The following CEP63 variants were observed in gnomAD, a reference collection of about 807,000 sequenced individuals.
CEP63 encodes centrosomal protein 63.
Under a neutral mutation model 89.1 loss-of-function variants are expected in CEP63, and 84 were observed. That is an observed-to-expected ratio of 0.94 (90% CI 0.79 to 1.13). The LOEUF (loss-of-function observed/expected upper bound fraction) is 1.13, where lower values mean the gene tolerates loss of function less well. Among genes scored for constraint, CEP63 ranks in the 50% most tolerant of loss-of-function variants. CEP63 has a pLI of 0.00. For synonymous variants in CEP63, 267 were observed against 272.5 expected, an observed-to-expected ratio of 0.98 and a Z score of 0.20; for missense variants, 838 against 813.3, an observed-to-expected ratio of 1.03 and a Z score of -0.37.
At chr3:134,488,659 T>A (rs1370613318) in intron 1 of CEP63, among the ~76,000 whole-genome samples, 1 of 152,130 alleles carries the variant, frequency 6.6e-6, no homozygotes, top group East Asian at 1.9e-4. Flanking sequence ...ACATTTCATA[T>A]GAATTTTAAC....
At chr3:134,677,184 G>A in the CEP63 span, among the ~76,000 whole-genome samples, 1 of 145,668 alleles carries the variant, frequency 6.9e-6, no homozygotes, top group Admixed American at 6.8e-5. Context: ...GCTTGAACCC[G>A]GCAGGCGGAG....
chr3:134,612,751 CTGTGTGTGTGTG>C, the CEP63 span, among the ~76,000 whole-genome samples: 25 of 125,422 alleles, frequency 2.0e-4, no homozygotes, highest in South Asian at 1.8e-3. Flanking sequence ...CACGCCGATG[CTGTGTGTGTGTG>C]TGTGTGTGTG....
At chr3:134,720,469 A>C in the CEP63 span, among the ~76,000 whole-genome samples, 1 of 152,090 alleles carries the variant, frequency 6.6e-6, no homozygotes, top group Non-Finnish European at 1.5e-5. Flanking sequence ...AATTTTGACA[A>C]AGTCTAATTT....
At chr3:134,544,763 G>T (rs368664272) in intron 6 of CEP63, among the ~76,000 whole-genome samples, 5 of 151,994 alleles carry the variant, frequency 3.3e-5, no homozygotes, top group East Asian at 3.9e-4. Context: ...ATTCCAGCCA[G>T]GTTGCGGTTG....
the CEP63 span, chr3:134,608,293 A>T: frequency 1.6e-6 from 2 of 1,220,952 alleles, no homozygotes; most frequent in Non-Finnish European, 2.1e-6. Flanking sequence ...ACTGAGAGAG[A>T]CTCACCCAGC....
the CEP63 span, among the ~76,000 whole-genome samples, chr3:134,770,208 A>G: frequency 2.0e-5 from 3 of 152,222 alleles, no homozygotes; most frequent in African/African-American, 7.2e-5. Flanking sequence ...GAGGGTAACA[A>G]TTCCTACTAC....
rs747703146 is a variant in CEP63 at position 134,561,456 on chromosome 3, T to C, written c.2033T>C (p.Leu678Pro). 1 of 1,613,972 alleles carries C rather than the reference T, an allele frequency of 6.2e-7. No individual in the cohort carries two copies. The highest frequency in any genetic ancestry group is 2.2e-5 in the East Asian group (1 of 44,848). The change falls in exon 15 of 15, where the codon CTA (leucine) becomes CCA (proline). Residue 678 changes from leucine to proline, a missense_variant. Transcript: ENST00000675561. ...EEEELRSHHILERLDAHIEEL... is the reference protein window; with the variant it reads ...EEEELRSHHIPERLDAHIEEL... ...GAGGAACTGAGGTCTCATCACATTCTAGAGCGCTTGGATGCCCATATTGAA... is the reference window on the plus strand; with the variant it reads ...GAGGAACTGAGGTCTCATCACATTCCAGAGCGCTTGGATGCCCATATTGAA...
the CEP63 span, among the ~76,000 whole-genome samples, chr3:134,648,209 C>G: frequency 2.0e-5 from 3 of 152,158 alleles, no homozygotes; most frequent in Non-Finnish European, 2.9e-5. Flanking sequence ...CCTTGGTGGC[C>G]GAGGAGGTTT....
the CEP63 span, chr3:134,608,172 T>C: frequency 8.6e-7 from 1 of 1,168,046 alleles, no homozygotes; most frequent in East Asian, 6.0e-5. Flanking sequence ...ATGTATTCTC[T>C]CCAGCAGGAG....
chr3:134,608,380 C>T, the CEP63 span: 2 of 1,408,800 alleles, frequency 1.4e-6, no homozygotes, highest in African/African-American at 1.4e-5. Context: ...AACCTGCAGC[C>T]TTCAGACACA....
the CEP63 span, among the ~76,000 whole-genome samples, chr3:134,623,822 G>C: frequency 6.6e-6 from 1 of 152,190 alleles, no homozygotes; most frequent in Non-Finnish European, 1.5e-5. Context: ...TCTGCCCCAG[G>C]GAGCCCCTCC....
intron 1 of CEP63, among the ~76,000 whole-genome samples, chr3:134,487,630 C>A (rs1936065802): frequency 6.6e-6 from 1 of 152,202 alleles, no homozygotes; most frequent in South Asian, 2.1e-4. Flanking sequence ...GTTTCAGGAA[C>A]TGAATCTCCG....
the CEP63 span, among the ~76,000 whole-genome samples, chr3:134,764,884 C>T: frequency 6.6e-6 from 1 of 152,206 alleles, no homozygotes; most frequent in Non-Finnish European, 1.5e-5. Context: ...TAGCATACTT[C>T]TAGCAGTTTT....
At chr3:134,567,132 C>T (rs1957801490), downstream of CEP63, among the ~76,000 whole-genome samples, 1 of 142,128 alleles carries the variant, frequency 7.0e-6, no homozygotes, top group South Asian at 2.3e-4. Context: ...CATGGATGAA[C>T]CTTGAAAACA....
intron 2 of CEP63, among the ~76,000 whole-genome samples, chr3:134,496,153 A>G (rs957954501): frequency 2.0e-5 from 3 of 152,096 alleles, no homozygotes; most frequent in African/African-American, 4.8e-5. Flanking sequence ...AACCAGGTCC[A>G]TACATGTTTG....
chr3:134,643,559 G>A, the CEP63 span, among the ~76,000 whole-genome samples: 12 of 152,338 alleles, frequency 7.9e-5, no homozygotes, highest in South Asian at 2.3e-3. Context: ...ACTGTGCATG[G>A]AGACAAATGC....
intron 2 of CEP63, among the ~76,000 whole-genome samples, chr3:134,501,671 T>C (rs1942043231): frequency 6.6e-6 from 1 of 152,244 alleles, no homozygotes; most frequent in South Asian, 2.1e-4. Flanking sequence ...TTTTTGTACA[T>C]TGATTTTGTA....
the CEP63 span, chr3:134,643,225 T>G: frequency 7.9e-6 from 10 of 1,262,620 alleles, no homozygotes; most frequent in Non-Finnish European, 1.1e-5. Context: ...CCCCATAGTC[T>G]GAGCTCCACA....
At chr3:134,603,670 G>C in the CEP63 span, 163 of 1,613,646 alleles carry the variant, frequency 1.0e-4, no homozygotes, top group Non-Finnish European at 1.3e-4. Context: ...CTGGCAGCCA[G>C]CTGTGCTGCA....
Sources: allele counts gnomAD v4.1 joint callset (sites outside exome capture counted in the v4.1 genomes callset), GRCh38; gene constraint gnomAD v4.1.1; transcripts MANE v1.5; gene names NCBI Gene and HGNC (gene_info 2026-07-23, HGNC 2026-07-21).